Variants in NKD1 observed in about 807,000 individuals in gnomAD.
NKD1 encodes protein naked cuticle homolog 1.
In NKD1, 21 loss-of-function variants were observed where a neutral mutation model predicts 56.0. That is an observed-to-expected ratio of 0.38 (90% confidence interval 0.27 to 0.54). The LOEUF is 0.54. NKD1 is among the 20% of genes least tolerant of loss of function. The pLI is 0.82. For synonymous variants in NKD1, 263 were observed against 265.7 expected (o/e 0.99, Z 0.10); for missense variants, 578 against 642.7 (o/e 0.90, Z 1.09).
At chr16:50,587,389 A>C (rs1364656867) in intron 3 of NKD1, among the ~76,000 whole-genome samples, 2 of 152,218 alleles carry the variant, frequency 1.3e-5, no homozygotes, top group African/African-American at 4.8e-5. Flanking sequence ...CACCTAACCT[A>C]GTAGAAAATA....
intron 4 of NKD1, among the ~76,000 whole-genome samples, chr16:50,618,003 A>G (rs1001990524): frequency 2.6e-5 from 4 of 152,202 alleles, no homozygotes; most frequent in Non-Finnish European, 5.9e-5. Flanking sequence ...GCCATGGACA[A>G]TGCAGATGAG....
intron 3 of NKD1, among the ~76,000 whole-genome samples, chr16:50,554,657 C>T (rs930469857): frequency 6.6e-6 from 1 of 152,118 alleles, no homozygotes; most frequent in African/African-American, 2.4e-5. Context: ...TTTTTAGACA[C>T]ATAGTTTCAC....
At position 50,643,830 on chromosome 16, in the gene NKD1, A is replaced by G. The variant is rs1207054153; in HGVS notation, c.*10049A>G. ...AACTCAGCCAACAGCTCTATAACTCATGACTGAATGAAGCTTATCTAGCAC... is the reference window on the plus strand; with the variant it reads ...AACTCAGCCAACAGCTCTATAACTCGTGACTGAATGAAGCTTATCTAGCAC... On this transcript the variant is annotated 3_prime_UTR_variant, in exon 10 of 10. Transcript: ENST00000268459. 2 of 152,238 alleles carry G rather than the reference A, an allele frequency of 1.3e-5. No individual in the cohort carries two copies. The highest frequency in any genetic ancestry group is 2.9e-5 in the Non-Finnish European group (2 of 68,044). The allele number at this position is 152,238 out of a possible 1,614,324, so 9.4% of individuals were successfully genotyped here.
In NKD1 at chr16:50,548,650, T is replaced by C. The variant is rs1389329048; in HGVS notation, c.26-67T>C. On this transcript the variant is annotated intron_variant, in intron 1 of 9. Coordinates refer to ENST00000268459, the MANE Select transcript of NKD1 (RefSeq NM_033119.5). Reference sequence around the variant, plus strand: ...CCGCCGCGGTCGCTAACTCTCTCCCTTCCTTTCTTTCCTTCTCCCGCCGCC... The same window carrying C: ...CCGCCGCGGTCGCTAACTCTCTCCCCTCCTTTCTTTCCTTCTCCCGCCGCC... 5 of 1,461,898 alleles carry C rather than the reference T, an allele frequency of 3.4e-6. No individual in the cohort carries two copies. In the East Asian group the frequency reaches 1.5e-4, roughly 44 times the overall value. 90.6% of individuals were successfully genotyped at this position (1,461,898 alleles called of 1,614,324 possible).
chr16:50,615,913 A>T (rs969962366), intron 4 of NKD1: 1 of 390,696 alleles, frequency 2.6e-6, no homozygotes, highest in Non-Finnish European at 5.3e-6. Flanking sequence ...GGAGAGCCTG[A>T]TACAGATACT....
rs547794506 is a variant in NKD1, at chr16:50,574,483, ACT to A, written c.192+24932_192+24933del. On this transcript the variant is annotated intron_variant, in intron 3 of 9. Transcript: ENST00000268459. The stretch of plus-strand genomic sequence containing the variant: ...GCTGGGCCTCATCTTGTTTTTGGAA[ACT>A]CTCCATTTTGCTCCTCCTGCTGCTG... 1,541 of 984,038 alleles carry A rather than the reference ACT, an allele frequency of 1.6e-3. 28 individuals are homozygous for A. In the African/African-American group the frequency reaches 0.025, roughly 16 times the overall value. The allele number at this position is 984,038 out of a possible 1,614,324, so 61.0% of individuals were successfully genotyped here. A position where few individuals can be genotyped will look rare whatever the true frequency, so the allele number is the denominator to read the frequency against.
At position 50,548,501 on chromosome 16, in the gene NKD1, C is replaced by T. The variant is rs940819489; in HGVS notation, c.-53C>T. 9 of 1,404,632 alleles carry T rather than the reference C, an allele frequency of 6.4e-6. No individual in the cohort carries two copies. Among genetic ancestry groups the T allele is most frequent in the Non-Finnish European group, 8.4e-6 (9 of 1,077,246 alleles). 87.0% of individuals were successfully genotyped at this position (1,404,632 alleles called of 1,614,324 possible). ...GAGGAGAGCCAAGGGAGGCGCCAGG[C>T]CCGCGGGCCGGGCGCATGGCTTAGG... is the stretch of plus-strand genomic sequence containing the variant. On this transcript the variant is annotated 5_prime_UTR_variant, in exon 1 of 10. Transcript: ENST00000268459.
chr16:50,559,666 G>A lies in NKD1; in HGVS notation c.192+10111G>A, dbSNP rs572864006. ...TGTCTCCTTGCCGCAAGTCTTCCAT[G>A]AAGTGTTACTGGTGTCTGTGGACTC... On this transcript the variant is annotated intron_variant, in intron 3 of 9. Coordinates refer to ENST00000268459, the MANE Select transcript of NKD1 (RefSeq NM_033119.5). Among the ~76,000 whole-genome samples, 5 of 152,248 alleles carry A rather than the reference G, an allele frequency of 3.3e-5. No homozygotes were observed. In the South Asian group the frequency reaches 6.2e-4, roughly 19 times the overall value.
intron 4 of NKD1, among the ~76,000 whole-genome samples, chr16:50,615,279 T>C (rs1961935408): frequency 6.6e-6 from 1 of 152,226 alleles, no homozygotes; most frequent in South Asian, 2.1e-4. Context: ...CTTACCGTTG[T>C]TTCATTTTGA....
rs1313593753 is a variant in NKD1 at position 50,636,242 on chromosome 16, C to T, written c.*2461C>T. The T allele has an allele frequency of 6.6e-6, 1 of 152,154 alleles. No individual in the cohort carries two copies. The highest frequency in any genetic ancestry group is 1.5e-5 in the Non-Finnish European group (1 of 68,056). 9.4% of individuals were successfully genotyped at this position (152,154 alleles called of 1,614,324 possible). On this transcript the variant is annotated 3_prime_UTR_variant, in exon 10 of 10. Transcript: ENST00000268459. ...CAGGAAGTAATGGCATCCCAGGCCC[C>T]GAATTGCTGCAACCCTGGAGGCCAG...
At chr16:50,579,010 T>A (rs1277407102) in intron 3 of NKD1, among the ~76,000 whole-genome samples, 2 of 152,268 alleles carry the variant, frequency 1.3e-5, no homozygotes, top group East Asian at 3.9e-4. Context: ...ACACATGCAC[T>A]CTCTCAGTCC....
intron 3 of NKD1, chr16:50,556,285 C>A (rs1960502490): frequency 6.6e-6 from 1 of 152,292 alleles, no homozygotes; most frequent in African/African-American, 2.4e-5. Flanking sequence ...GGTGGAGAAC[C>A]TTTTCTAAAC....
At chr16:50,587,060 T>G (rs949053754) in intron 3 of NKD1, among the ~76,000 whole-genome samples, 1 of 152,236 alleles carries the variant, frequency 6.6e-6, no homozygotes, top group African/African-American at 2.4e-5. Flanking sequence ...ACTCGAAAGC[T>G]GTGTGGATAT....
intron 3 of NKD1, chr16:50,562,339 GA>G: frequency 2.2e-6 from 2 of 911,878 alleles, no homozygotes; most frequent in Non-Finnish European, 2.6e-6. Context: ...GAAAGATCTG[GA>G]AGGGTACACT....
intron 3 of NKD1, chr16:50,557,576 C>T (rs1010503791): frequency 1.3e-5 from 2 of 152,202 alleles, no homozygotes; most frequent in African/African-American, 4.8e-5. Flanking sequence ...TGAATTTTGT[C>T]ACATGCTGTT....
intron 3 of NKD1, among the ~76,000 whole-genome samples, chr16:50,558,933 C>CAAACAAACA (rs1220007624): frequency 1.3e-5 from 2 of 150,342 alleles, no homozygotes; most frequent in Non-Finnish European, 3.0e-5. Flanking sequence ...AACAAACAAA[C>CAAACAAACA]AACAAAACAA....
chr16:50,582,603 A>G (rs1961140942), intron 3 of NKD1, among the ~76,000 whole-genome samples: 1 of 152,200 alleles, frequency 6.6e-6, no homozygotes, highest in South Asian at 2.1e-4. Context: ...CTTTGTCTTG[A>G]TGTTCATCCA....
intron 3 of NKD1, among the ~76,000 whole-genome samples, chr16:50,568,194 C>T (rs1052814522): frequency 4.6e-5 from 7 of 152,212 alleles, no homozygotes; most frequent in Non-Finnish European, 8.8e-5. Context: ...TGAGCACCCG[C>T]CTACCTTTTC....
chr16:50,551,177 T>C (rs1021717575), intron 3 of NKD1, among the ~76,000 whole-genome samples: 10 of 151,284 alleles, frequency 6.6e-5, no homozygotes, highest in Admixed American at 5.9e-4. Context: ...TTTAATTAAA[T>C]AGTAGTGTTC....
Sources: allele counts gnomAD v4.1 joint callset (sites outside exome capture counted in the v4.1 genomes callset), GRCh38; gene constraint gnomAD v4.1.1; transcripts MANE v1.5; gene names NCBI Gene and HGNC (gene_info 2026-07-23, HGNC 2026-07-21).